Variants in UBE2L6 observed in about 807,000 individuals in gnomAD.
UBE2L6 encodes ubiquitin conjugating enzyme E2 L6, also known as ubiquitin/ISG15-conjugating enzyme E2 L6.
Under a neutral mutation model 13.6 loss-of-function variants are expected in UBE2L6, and 11 were observed. The observed-to-expected ratio is 0.81, with a 90% CI of 0.51 to 1.34. The LOEUF is 1.34. Ranked by LOEUF, UBE2L6 falls within the 40% of genes most tolerant of loss-of-function variation. The pLI, the probability that UBE2L6 is intolerant of heterozygous loss-of-function variation, is 0.00. For missense variants in UBE2L6, 197 were observed against 199.5 expected (o/e 0.99, Z 0.07); for synonymous variants, 74 against 83.2 (o/e 0.89, Z 0.60).
chr11:57,559,607 C>T (rs1379571434), intron 2 of UBE2L6, among the ~76,000 whole-genome samples: 2 of 150,932 alleles, frequency 1.3e-5, no homozygotes, highest in African/African-American at 4.9e-5. Context: ...AAGACTCTGT[C>T]TCAAAAAAAA....
chr11:57,554,603 C>T lies in UBE2L6; in HGVS notation c.144G>A (p.Leu48=), dbSNP rs753906401. The T allele has an allele frequency of 9.3e-6, 15 of 1,614,126 alleles. No individual in the cohort carries two copies. In the Admixed American group the frequency reaches 1.7e-4, roughly 18 times the overall value. ...LLLPDQPPYH[L]KAFNLRISFP... is the part of the protein sequence containing the mutation. Reference sequence around the variant, plus strand: ...AGCTGATGCGCAGGTTGAAGGCTTTCAGGTGGTAGGGAGGTTGGTCCTGTG... The same window carrying T: ...AGCTGATGCGCAGGTTGAAGGCTTTTAGGTGGTAGGGAGGTTGGTCCTGTG... Residue 48 remains leucine, a synonymous_variant, in exon 3 of 4, where the codon CTG becomes CTA. Transcript: ENST00000287156.
Position 57,552,261 on chromosome 11 carries a change from G to T in UBE2L6, c.*97C>A. On this transcript the variant is annotated 3_prime_UTR_variant, in exon 4 of 4. Coordinates refer to ENST00000287156, the MANE Select transcript of UBE2L6 (RefSeq NM_004223.5). ...ACTAACAACCTAAGAAGGGAAAAATGAATGGGGAATGGGCCACAGGGGGCT... is the reference window on the plus strand; with the variant it reads ...ACTAACAACCTAAGAAGGGAAAAATTAATGGGGAATGGGCCACAGGGGGCT... 2 of 1,507,006 alleles carry T rather than the reference G, an allele frequency of 1.3e-6. No individual in the cohort carries two copies. Among genetic ancestry groups the T allele is most frequent in the East Asian group, 2.3e-5 (1 of 44,046 alleles). 93.4% of individuals were successfully genotyped at this position (1,507,006 alleles called of 1,614,324 possible).
rs910290684 is a variant in UBE2L6 at position 57,560,837 on chromosome 11, G to A, written c.28-405C>T. 3.3e-5 allele frequency among the ~76,000 whole-genome samples: 5 copies of A among 151,900 alleles called. No individual in the cohort carries two copies. The East Asian group carries it at 9.7e-4, about 29-fold the overall frequency. On this transcript the variant is annotated intron_variant, in intron 1 of 3. Coordinates refer to ENST00000287156, the MANE Select transcript of UBE2L6 (RefSeq NM_004223.5). ...GGGTTTCACCGTGTTATCCAGGATG[G>A]TCTTGATCTCCTGACCTCGTGATCC... is the stretch of plus-strand genomic sequence containing the variant.
In UBE2L6 at chr11:57,551,967, C is replaced by T. The variant is rs548844899; in HGVS notation, c.*391G>A. Reference sequence around the variant, plus strand: ...TCTCCCACCCATATGCTCCACTGTCCCCAGGCCCTCAGTGCCTGAGCCCTA... The same window carrying T: ...TCTCCCACCCATATGCTCCACTGTCTCCAGGCCCTCAGTGCCTGAGCCCTA... On this transcript the variant is annotated 3_prime_UTR_variant, in exon 4 of 4. Transcript: ENST00000287156. 1.1e-4 allele frequency: 21 copies of T among 197,816 alleles called. No individual in the cohort carries two copies. The highest frequency in any genetic ancestry group is 4.9e-4 in the African/African-American group (21 of 43,048). The allele number at this position is 197,816 out of a possible 1,614,324, so 12.3% of individuals were successfully genotyped here. A position where few individuals can be genotyped will look rare whatever the true frequency, so the allele number is the denominator to read the frequency against.
intron 1 of UBE2L6, among the ~76,000 whole-genome samples, chr11:57,565,019 G>A (rs1945076388): frequency 6.6e-6 from 1 of 152,046 alleles, no homozygotes; most frequent in Non-Finnish European, 1.5e-5. Flanking sequence ...GAGGTGGGTG[G>A]ATCACCTGAG....
At chr11:57,559,070 T>C (rs1489217296) in intron 2 of UBE2L6, among the ~76,000 whole-genome samples, 1 of 152,198 alleles carries the variant, frequency 6.6e-6, no homozygotes. Flanking sequence ...GCTTTCATCA[T>C]CTCAAAGTTG....
At chr11:57,555,115 G>C (rs796799933) in intron 2 of UBE2L6, among the ~76,000 whole-genome samples, 2 of 152,320 alleles carry the variant, frequency 1.3e-5, no homozygotes, top group African/African-American at 4.8e-5. Flanking sequence ...TTTCTCAAAA[G>C]ATTAGACACA....
chr11:57,557,172 G>T (rs1021754112), intron 2 of UBE2L6, among the ~76,000 whole-genome samples: 4 of 152,090 alleles, frequency 2.6e-5, no homozygotes, highest in South Asian at 4.1e-4. Context: ...CCCACGAATG[G>T]CTCCGTGGAA....
chr11:57,566,944 C>CCCCA, intron 1 of UBE2L6: 1 of 72,308 alleles, frequency 1.4e-5, no homozygotes, highest in South Asian at 6.2e-5. Context: ...TTCATCTCTG[C>CCCCA]CCGCCCCCCC....
chr11:57,567,744 G>A (rs1945105528), upstream of UBE2L6: 2 of 1,141,228 alleles, frequency 1.8e-6, no homozygotes, highest in African/African-American at 1.6e-5. Flanking sequence ...CCGTCGCTGC[G>A]TGGGCCTCCC....
chr11:57,567,013 C>T (rs1945098258), intron 1 of UBE2L6: 1 of 442,540 alleles, frequency 2.3e-6, no homozygotes, highest in South Asian at 1.6e-5. Context: ...AACTCACGAA[C>T]GCAAGCCACC....
Position 57,551,853 on chromosome 11 carries a change from C to T in UBE2L6, c.*505G>A, listed in dbSNP as rs969652914. 2.0e-5 allele frequency: 3 copies of T among 152,924 alleles called. No individual in the cohort carries two copies. The highest frequency in any genetic ancestry group is 4.4e-5 in the Non-Finnish European group (3 of 68,648). 9.5% of individuals were successfully genotyped at this position (152,924 alleles called of 1,614,324 possible). A position where few individuals can be genotyped will look rare whatever the true frequency, so the allele number is the denominator to read the frequency against. On this transcript the variant is annotated 3_prime_UTR_variant, in exon 4 of 4. Coordinates refer to ENST00000287156, the MANE Select transcript of UBE2L6 (RefSeq NM_004223.5). ...TTGATTCTTCAGATTGTGACTCATC[C>T]GTGGAAAATAAATGGTTTAGCACCT...
Position 57,554,774 on chromosome 11 carries a change from TG to T in UBE2L6, c.124-152del, listed in dbSNP as rs1329682829. 3.5e-6 allele frequency: 3 copies of T among 854,676 alleles called. No homozygotes were observed. The African/African-American group carries it at 5.2e-5, about 15-fold the overall frequency. 52.9% of individuals were successfully genotyped at this position (854,676 alleles called of 1,614,324 possible). ...CTGCATTCATTTGACAATTGAGTCA[TG>T]GATTAGTGAAAATGTGAAATCACCA... On this transcript the variant is annotated intron_variant, in intron 2 of 3. Transcript: ENST00000287156.
intron 2 of UBE2L6, 109 bp from the exon 3 acceptor site, chr11:57,554,732 C>G (rs1172950039): frequency 1.7e-6 from 2 of 1,157,456 alleles, no homozygotes; most frequent in Non-Finnish European, 2.5e-6. Flanking sequence ...AATCATGAGC[C>G]AGGACACACA....
intron 1 of UBE2L6, among the ~76,000 whole-genome samples, chr11:57,563,640 C>T (rs1160443308): frequency 6.6e-6 from 1 of 150,666 alleles, no homozygotes; most frequent in Non-Finnish European, 1.5e-5. Context: ...AAAGAATAAA[C>T]AAAGACTTTG....
intron 2 of UBE2L6, among the ~76,000 whole-genome samples, chr11:57,557,114 T>A (rs999131321): frequency 2.0e-5 from 3 of 151,402 alleles, no homozygotes; most frequent in Non-Finnish European, 4.4e-5. Flanking sequence ...ATCCCCAATG[T>A]TGGAGGTGGG....
upstream of UBE2L6, chr11:57,567,710 C>T: frequency 7.0e-7 from 1 of 1,428,024 alleles, no homozygotes; most frequent in Non-Finnish European, 9.5e-7. Flanking sequence ...CCACCCCCGG[C>T]AGCCCCGCCC....
chr11:57,556,824 G>A (rs1178281072), intron 2 of UBE2L6, among the ~76,000 whole-genome samples: 3 of 151,798 alleles, frequency 2.0e-5, no homozygotes, highest in African/African-American at 4.8e-5. Flanking sequence ...GGTGGCTCGC[G>A]CCTGTAATCC....
At chr11:57,559,401 A>G (rs1199002705) in intron 2 of UBE2L6, among the ~76,000 whole-genome samples, 5 of 152,212 alleles carry the variant, frequency 3.3e-5, no homozygotes, top group Non-Finnish European at 5.9e-5. Flanking sequence ...ACTTGAGGCC[A>G]GGAGTTTGAG....
Sources: allele counts gnomAD v4.1 joint callset (sites outside exome capture counted in the v4.1 genomes callset), GRCh38; gene constraint gnomAD v4.1.1; transcripts MANE v1.5; gene names NCBI Gene and HGNC (gene_info 2026-07-23, HGNC 2026-07-21).